Variants in NELL2 observed in about 807,000 individuals in gnomAD.
The protein encoded by NELL2 is neural EGFL like 2.
In NELL2, 41 loss-of-function variants were observed where a neutral mutation model predicts 109.6. The ratio of observed to expected loss-of-function variants is 0.37; its 90% CI spans 0.29 to 0.49. The LOEUF is 0.49. Ranked by LOEUF, NELL2 falls within the 20% of genes least tolerant of loss-of-function variation. The probability of loss-of-function intolerance (pLI) is 0.98; values close to 1 mark genes in which losing one functional copy is unlikely to be tolerated. For missense variants in NELL2, 900 were observed against 1,008.3 expected (o/e 0.89, Z 1.45); for synonymous variants, 355 against 344.7 (o/e 1.03, Z -0.33).
intron 9 of NELL2, among the ~76,000 whole-genome samples, chr12:44,754,738 T>C (rs1447295200): frequency 6.6e-6 from 1 of 152,184 alleles, no homozygotes; most frequent in Non-Finnish European, 1.5e-5. Flanking sequence ...ATAATTGAGT[T>C]ATAAAACAAG....
In NELL2 at chr12:44,608,526, C is replaced by T. The variant is rs149999775; in HGVS notation, c.1568-1262G>A. On this transcript the variant is annotated intron_variant, in intron 14 of 19. Coordinates refer to ENST00000429094, the MANE Select transcript of NELL2 (RefSeq NM_001145108.2). ...ATTCCAAACAAAGATATACAGGAAC[C>T]GAACAGTCTTTATTCGGGCAACCTG... is the stretch of plus-strand genomic sequence containing the variant. 2.8e-3 allele frequency among the ~76,000 whole-genome samples: 426 copies of T among 152,030 alleles called. 2 individuals are homozygous for T. The highest frequency in any genetic ancestry group is 5.7e-3 in the African/African-American group (236 of 41,482).
chr12:44,666,113 T>TA (rs1200486578), intron 12 of NELL2, among the ~76,000 whole-genome samples: 8 of 152,190 alleles, frequency 5.3e-5, no homozygotes, highest in African/African-American at 1.7e-4. Flanking sequence ...AGTAGACATA[T>TA]AGCTATCCCA....
At chr12:44,658,533 T>G (rs1346554425) in intron 13 of NELL2, among the ~76,000 whole-genome samples, 1 of 152,144 alleles carries the variant, frequency 6.6e-6, no homozygotes, top group Non-Finnish European at 1.5e-5. Flanking sequence ...ATTTATAGAT[T>G]CAATGCTATC....
intron 16 of NELL2, among the ~76,000 whole-genome samples, chr12:44,528,379 T>C (rs1941900568): frequency 6.6e-6 from 1 of 152,188 alleles, no homozygotes; most frequent in Non-Finnish European, 1.5e-5. Context: ...TTATCCTTGT[T>C]ACTTTCTGGG....
At chr12:44,546,552 TG>T (rs1942803186) in intron 15 of NELL2, among the ~76,000 whole-genome samples, 1 of 152,222 alleles carries the variant, frequency 6.6e-6, no homozygotes. Flanking sequence ...ACAGGCTATG[TG>T]TTTCTTAAAC....
upstream of NELL2, among the ~76,000 whole-genome samples, chr12:44,916,809 C>A (rs1232703930): frequency 6.6e-6 from 1 of 152,114 alleles, no homozygotes; most frequent in Non-Finnish European, 1.5e-5. Context: ...TCTAAAGGTC[C>A]TCTAGTCTAA....
intron 13 of NELL2, among the ~76,000 whole-genome samples, chr12:44,621,091 G>C (rs1205789107): frequency 6.6e-6 from 1 of 152,048 alleles, no homozygotes. Context: ...ACTTCTAGTA[G>C]TAATATCACT....
intron 9 of NELL2, among the ~76,000 whole-genome samples, chr12:44,724,004 C>T (rs536055202): frequency 6.6e-6 from 1 of 151,962 alleles, no homozygotes; most frequent in East Asian, 1.9e-4. Context: ...TGCCAATCAA[C>T]AAGGAACTGG....
At chr12:44,670,308 C>T (rs1232531661) in intron 12 of NELL2, among the ~76,000 whole-genome samples, 1 of 151,882 alleles carries the variant, frequency 6.6e-6, no homozygotes, top group Non-Finnish European at 1.5e-5. Flanking sequence ...AAGTATAAAA[C>T]TCACTGGTAG....
intron 15 of NELL2, among the ~76,000 whole-genome samples, chr12:44,578,450 G>C (rs1399955190): frequency 6.6e-6 from 1 of 151,898 alleles, no homozygotes; most frequent in East Asian, 1.9e-4. Flanking sequence ...AAAGGCCTAA[G>C]GCTATGAAAA....
At chr12:44,703,686 A>T (rs1024596559) in intron 12 of NELL2, 40 bp downstream of exon 12, 1 of 1,608,642 alleles carries the variant, frequency 6.2e-7, no homozygotes, top group African/African-American at 1.3e-5. Context: ...TAATCCTAGA[A>T]AATTTATACA....
intron 15 of NELL2, among the ~76,000 whole-genome samples, chr12:44,581,305 T>C (rs537036348): frequency 6.6e-6 from 1 of 151,846 alleles, no homozygotes; most frequent in Admixed American, 6.6e-5. Context: ...AGAAAAAAGA[T>C]TTTTTTAAAA....
In NELL2 at chr12:44,703,789, T is replaced by G; in HGVS notation, c.1255A>C (p.Arg419=). ...CCATCTCGACAGCTACAAACAGCCCTGTCATTCAGATTTCTGCAGATGGAA... is the reference window on the plus strand; with the variant it reads ...CCATCTCGACAGCTACAAACAGCCCGGTCATTCAGATTTCTGCAGATGGAA... The part of the protein sequence containing the change: ...ENSICRNLND[R]AVCSCRDGFR... Residue 419 remains arginine, a synonymous_variant, in exon 12 of 20, where the codon AGG becomes CGG. Coordinates refer to ENST00000429094, the MANE Select transcript of NELL2 (RefSeq NM_001145108.2). 2 of 1,613,544 alleles carry G rather than the reference T, an allele frequency of 1.2e-6. No individual in the cohort carries two copies. The highest frequency in any genetic ancestry group is 1.7e-6 in the Non-Finnish European group (2 of 1,179,646).
chr12:44,845,728 A>C (rs1360711238), intron 2 of NELL2, among the ~76,000 whole-genome samples: 1 of 152,188 alleles, frequency 6.6e-6, no homozygotes, highest in East Asian at 1.9e-4. Context: ...ATTTTTCATA[A>C]ACACATGCAC....
At chr12:44,710,893 A>G (rs1291044167) in intron 11 of NELL2, among the ~76,000 whole-genome samples, 5 of 152,120 alleles carry the variant, frequency 3.3e-5, no homozygotes, top group Non-Finnish European at 7.4e-5. Context: ...GGTAAGTTAT[A>G]AAAAGAAGCT....
chr12:44,576,056 C>T (rs762786453), intron 15 of NELL2, among the ~76,000 whole-genome samples: 4 of 152,066 alleles, frequency 2.6e-5, no homozygotes, highest in Non-Finnish European at 5.9e-5. Context: ...GCCATGCTGT[C>T]CCCATCACAG....
At chr12:44,684,719 T>G (rs1245820969) in intron 12 of NELL2, among the ~76,000 whole-genome samples, 1 of 152,188 alleles carries the variant, frequency 6.6e-6, no homozygotes, top group Non-Finnish European at 1.5e-5. Flanking sequence ...TCCATGTAGT[T>G]GAGTGGTTTT....
At chr12:44,649,507 C>A (rs982279821) in intron 13 of NELL2, among the ~76,000 whole-genome samples, 5 of 152,194 alleles carry the variant, frequency 3.3e-5, no homozygotes, top group African/African-American at 1.2e-4. Context: ...TCGGAATTCA[C>A]TTTTGGTGCT....
intron 1 of NELL2, among the ~76,000 whole-genome samples, chr12:44,884,923 T>C (rs1265051650): frequency 6.6e-6 from 1 of 152,016 alleles, no homozygotes; most frequent in Non-Finnish European, 1.5e-5. Context: ...CTTAAAAATA[T>C]ACATCTAATG....
Sources: allele counts gnomAD v4.1 joint callset (sites outside exome capture counted in the v4.1 genomes callset), GRCh38; gene constraint gnomAD v4.1.1; transcripts MANE v1.5; gene names NCBI Gene and HGNC (gene_info 2026-07-23, HGNC 2026-07-21).